TGFB1: variants seen among roughly 807,000 people sequenced by gnomAD.
TGFB1 encodes transforming growth factor beta 1.
TGFB1 carries 19 observed loss-of-function variants against 43.8 expected under a neutral mutation model. The ratio of observed to expected loss-of-function variants is 0.43; its 90% CI spans 0.30 to 0.64. The LOEUF (loss-of-function observed/expected upper bound fraction) is 0.64, where lower values mean the gene tolerates loss of function less well. TGFB1 is among the 30% of genes least tolerant of loss of function. The pLI is 0.11. For missense variants in TGFB1, 445 were observed against 529.8 expected (o/e 0.84, Z 1.57); for synonymous variants, 221 against 236.3 (o/e 0.94, Z 0.60).
Position 41,344,864 on chromosome 19 carries a change from T to C in TGFB1, c.517A>G (p.Lys173Glu), listed in dbSNP as rs2123103625. 1.9e-6 allele frequency: 3 copies of C among 1,582,394 alleles called. No individual in the cohort carries two copies. The highest frequency in any genetic ancestry group is 2.6e-6 in the Non-Finnish European group (3 of 1,163,666). Residue 173 changes from lysine to glutamate, a missense_variant and splice_region_variant, in exon 3 of 7, where the codon AAA becomes GAA. Lys to Glu is a moderately conservative substitution (Grantham distance 56). Around this residue, in one of 3 missense-constraint regions of TGFB1, gnomAD observed 366 missense variants for 428.8 expected, o/e 0.85. Transcript: ENST00000221930. Reference protein sequence around the residue: ...KVEQHVELYQKYSNNSWRYLS... With the variant: ...KVEQHVELYQEYSNNSWRYLS... The stretch of plus-strand genomic sequence containing the variant: ...TATCGCCAGGAATTGTTGCTGTATT[T>C]CTAGAGGATGATGAAGGCAGGAGAG...
chr19:41,345,451 C>T lies in TGFB1; in HGVS notation c.517-587G>A, dbSNP rs573355055. Among the ~76,000 whole-genome samples, 99 of 151,996 alleles carry T rather than the reference C, an allele frequency of 6.5e-4. 1 individual carries two copies. The South Asian group carries it at 0.02, about 30-fold the overall frequency. On this transcript the variant is annotated intron_variant, in intron 2 of 6. Transcript: ENST00000221930. ...GACACAGACTGCAGTGAGCCAAGAT[C>T]ACGCCACTGCACTCCAGCCTGGGCG...
intron 5 of TGFB1, among the ~76,000 whole-genome samples, chr19:41,340,070 A>T (rs1468370626): frequency 6.6e-6 from 1 of 152,118 alleles, no homozygotes; most frequent in Non-Finnish European, 1.5e-5. Context: ...CTTAGATTGC[A>T]GTATTAGCAT....
intron 2 of TGFB1, among the ~76,000 whole-genome samples, chr19:41,346,916 G>C (rs1290071257): frequency 1.3e-5 from 2 of 151,948 alleles, no homozygotes; most frequent in African/African-American, 2.4e-5. Flanking sequence ...AGTAGAGATG[G>C]AGTTTCGTCA....
chr19:41,332,766 G>A (rs2037947630), intron 5 of TGFB1, among the ~76,000 whole-genome samples: 1 of 152,212 alleles, frequency 6.6e-6, no homozygotes, highest in Non-Finnish European at 1.5e-5. Context: ...CACTTTGGGA[G>A]GATGAAGTGG....
In TGFB1 at chr19:41,343,073, G is replaced by A. The variant is rs981239531; in HGVS notation, c.635-826C>T. 3.3e-5 allele frequency among the ~76,000 whole-genome samples: 5 copies of A among 151,884 alleles called. No homozygotes were observed. The South Asian group carries it at 8.3e-4, about 25-fold the overall frequency. On this transcript the variant is annotated intron_variant, in intron 3 of 6. Coordinates refer to ENST00000221930, the MANE Select transcript of TGFB1 (RefSeq NM_000660.7). ...GATGAGCTCCTTCTAGGCCTTTGTC[G>A]AACAGCCCAGGACACTCCTCCCAGT...
intron 6 of TGFB1, 149 bp from the exon 7 acceptor site, chr19:41,331,359 T>G: frequency 9.2e-6 from 9 of 981,168 alleles, no homozygotes; most frequent in Non-Finnish European, 1.3e-5. Context: ...TCGGTCTCTC[T>G]TATCTTCTAA....
intron 3 of TGFB1, among the ~76,000 whole-genome samples, chr19:41,342,475 G>A (rs1224970047): frequency 7.2e-6 from 1 of 139,176 alleles, no homozygotes; most frequent in African/African-American, 2.7e-5. Context: ...TCAGCCTCCC[G>A]AGTAGCTGGG....
chr19:41,343,197 C>T (rs184743094), intron 3 of TGFB1, among the ~76,000 whole-genome samples: 5 of 150,610 alleles, frequency 3.3e-5, no homozygotes, highest in East Asian at 2.0e-4. Flanking sequence ...TGCAATGGCA[C>T]GATCTTGGCT....
chr19:41,340,670 G>C (rs969267317), intron 5 of TGFB1, among the ~76,000 whole-genome samples: 1 of 152,066 alleles, frequency 6.6e-6, no homozygotes, highest in African/African-American at 2.4e-5. Context: ...CCAATATTCT[G>C]CTTTCTCCAA....
intron 6 of TGFB1, 68 bp downstream of exon 6, chr19:41,332,060 T>C: frequency 1.3e-6 from 2 of 1,569,496 alleles, no homozygotes; most frequent in Non-Finnish European, 1.7e-6. Context: ...TTACTTCTCT[T>C]TCTCTCTCCT....
At chr19:41,352,625 T>G in intron 1 of TGFB1, 65 bp downstream of exon 1, 1 of 1,569,934 alleles carries the variant, frequency 6.4e-7, no homozygotes, top group Middle Eastern at 1.8e-4. Flanking sequence ...TTCCTACCCG[T>G]GGCCCCGGCA....
rs2038066271 is a variant in TGFB1 at position 41,342,282 on chromosome 19, G to A, written c.635-35C>T. The A allele has an allele frequency of 2.6e-6, 4 of 1,563,242 alleles. No homozygotes were observed. The East Asian group carries it at 9.6e-5, about 38-fold the overall frequency. ...TGGCGAGAGGGAAGCCAGTCTGAGA[G>A]TGCAGCTCACCCAGCCCCTGGAGGA... is the stretch of plus-strand genomic sequence containing the variant. On this transcript the variant is annotated intron_variant, in intron 3 of 6. Coordinates refer to ENST00000221930, the MANE Select transcript of TGFB1 (RefSeq NM_000660.7).
Position 41,342,192 on chromosome 19 carries a change from G to A in TGFB1, c.690C>T (p.Asn230=). 3 of 1,608,868 alleles carry A rather than the reference G, an allele frequency of 1.9e-6. No homozygotes were observed. Among genetic ancestry groups the A allele is most frequent in the Non-Finnish European group, 2.5e-6 (3 of 1,177,554 alleles). ...CACCGTTGATGTCCACTTGCAGTGT[G>A]TTATCCCTGCTGTCACAGGAGCAGT... ...SAHCSCDSRD[N]TLQVDINGFT... is the part of the protein sequence containing the mutation. The change falls in exon 4 of 7, where the codon AAC becomes AAT. Residue 230 remains asparagine, a synonymous_variant. Transcript: ENST00000221930.
At chr19:41,352,612 C>A in intron 1 of TGFB1, 78 bp downstream of exon 1, 1 of 1,529,676 alleles carries the variant, frequency 6.5e-7, no homozygotes, top group South Asian at 1.1e-5. Flanking sequence ...TTCTGCCAGT[C>A]ACTTCCTACC....
intron 2 of TGFB1, among the ~76,000 whole-genome samples, chr19:41,346,305 GT>G (rs1167209953): frequency 6.6e-6 from 1 of 152,072 alleles, no homozygotes. Context: ...AGCCAAGATG[GT>G]GCCATTGCAC....
chr19:41,349,773 A>G (rs967297849), intron 1 of TGFB1, among the ~76,000 whole-genome samples: 1 of 152,030 alleles, frequency 6.6e-6, no homozygotes, highest in Non-Finnish European at 1.5e-5. Context: ...AACAACAACA[A>G]AAAACCACAA....
chr19:41,339,803 A>G (rs1028787295), intron 5 of TGFB1, among the ~76,000 whole-genome samples: 8 of 152,054 alleles, frequency 5.3e-5, no homozygotes, highest in East Asian at 1.9e-4. Flanking sequence ...CAGCCTGGGC[A>G]ACAGAGCGAG....
chr19:41,352,614 C>T, intron 1 of TGFB1, 76 bp downstream of exon 1: 1 of 1,546,178 alleles, frequency 6.5e-7, no homozygotes, highest in Non-Finnish European at 8.8e-7. Context: ...CTGCCAGTCA[C>T]TTCCTACCCG....
rs763644395 is a variant in TGFB1 at position 41,344,870 on chromosome 19, GGAT to G, written c.517-9_517-7del. On this transcript the variant is annotated splice_region_variant and splice_polypyrimidine_tract_variant and intron_variant, in intron 2 of 6. Transcript: ENST00000221930. ...CAGGAATTGTTGCTGTATTTCTAGA[GGAT>G]GATGAAGGCAGGAGAGAGACAGTGG... The G allele has an allele frequency of 4.4e-6, 7 of 1,574,964 alleles. No homozygotes were observed. Among genetic ancestry groups the G allele is most frequent in the Non-Finnish European group, 6.0e-6 (7 of 1,159,520 alleles).
Sources: allele counts gnomAD v4.1 joint callset (sites outside exome capture counted in the v4.1 genomes callset), GRCh38; gene constraint gnomAD v4.1.1; regional missense constraint gnomAD v4.1.1; transcripts MANE v1.5; gene names NCBI Gene and HGNC (gene_info 2026-07-23, HGNC 2026-07-21).